Variants in CHLSN observed in about 807,000 individuals in gnomAD.
The protein encoded by CHLSN is cholesin.
At chr7:983,181 A>G in the CHLSN span, 1 of 1,451,226 alleles carries the variant, frequency 6.9e-7, no homozygotes, top group Non-Finnish European at 9.2e-7. Flanking sequence ...GGGGCCCAGG[A>G]GGGGAGTGGA....
chr7:1,118,567 C>G, the CHLSN span, among the ~76,000 whole-genome samples: 5 of 152,108 alleles, frequency 3.3e-5, no homozygotes, highest in South Asian at 1.0e-3. Flanking sequence ...AAAAGACAAC[C>G]TCAATAAGTC....
At chr7:992,999 G>C in the CHLSN span, among the ~76,000 whole-genome samples, 10 of 152,182 alleles carry the variant, frequency 6.6e-5, no homozygotes, top group Non-Finnish European at 1.3e-4. Flanking sequence ...CATAACAAGC[G>C]GGGGAGGGGG....
chr7:1,003,019 G>A, the CHLSN span, among the ~76,000 whole-genome samples: 4 of 48,226 alleles, frequency 8.3e-5, no homozygotes, highest in African/African-American at 3.8e-4. Flanking sequence ...GTGGGTGAGT[G>A]GAGTCCTGCG....
chr7:1,106,631 C>G, the CHLSN span, among the ~76,000 whole-genome samples: 1 of 152,140 alleles, frequency 6.6e-6, no homozygotes, highest in Admixed American at 6.5e-5. Flanking sequence ...GGGTGACGGG[C>G]CTGGGGCAGG....
the CHLSN span, chr7:1,087,325 G>A: frequency 6.6e-6 from 1 of 152,226 alleles, no homozygotes; most frequent in Non-Finnish European, 1.5e-5. Context: ...TACCGGCTGA[G>A]GGTCCCTGGT....
chr7:1,109,300 G>A, the CHLSN span: 3 of 152,258 alleles, frequency 2.0e-5, no homozygotes, highest in Middle Eastern at 0.01. Flanking sequence ...TGACAAGCAT[G>A]TATTTGTTTT....
chr7:1,007,979 A>G, the CHLSN span, among the ~76,000 whole-genome samples: 25,003 of 152,114 alleles, frequency 0.16, 2,495 homozygotes, highest in Admixed American at 0.22. Flanking sequence ...CACGTCCCCA[A>G]CGTCCCCCTT....
At chr7:1,042,421 C>T in the CHLSN span, among the ~76,000 whole-genome samples, 1 of 152,226 alleles carries the variant, frequency 6.6e-6, no homozygotes, top group Non-Finnish European at 1.5e-5. Flanking sequence ...CACCCTTCCC[C>T]CCACCAACTG....
chr7:1,000,738 C>T, the CHLSN span, among the ~76,000 whole-genome samples: 12 of 152,188 alleles, frequency 7.9e-5, no homozygotes, highest in African/African-American at 1.4e-4. Flanking sequence ...CGCAACCCCA[C>T]GCCCTGCTGC....
chr7:1,028,902 C>T, the CHLSN span: 5 of 634,572 alleles, frequency 7.9e-6, no homozygotes, highest in East Asian at 4.7e-4. Flanking sequence ...GACTCCATGT[C>T]CCCCCATCTC....
At chr7:1,124,160 GA>G in the CHLSN span, among the ~76,000 whole-genome samples, 1 of 152,124 alleles carries the variant, frequency 6.6e-6, no homozygotes, top group Non-Finnish European at 1.5e-5. Context: ...TTTTAATAAT[GA>G]AAAATAATCA....
chr7:1,011,426 GAAACACCC>G, the CHLSN span, among the ~76,000 whole-genome samples: 1 of 62,378 alleles, frequency 1.6e-5, no homozygotes, highest in Non-Finnish European at 2.8e-5. Flanking sequence ...CAGACACCCA[GAAACACCC>G]ACACACCCAA....
chr7:1,091,665 C>A, the CHLSN span: 1 of 1,157,368 alleles, frequency 8.6e-7, no homozygotes, highest in Non-Finnish European at 1.2e-6. Context: ...AAGATGGATT[C>A]ACCATTTAAA....
chr7:1,019,476 TGGCTGCTCACAGCTCCC>T, the CHLSN span, among the ~76,000 whole-genome samples: 1 of 152,232 alleles, frequency 6.6e-6, no homozygotes, highest in Non-Finnish European at 1.5e-5. Flanking sequence ...GAGGCTGGCC[TGGCTGCTCACAGCTCCC>T]GGCAGAAATG....
At chr7:999,030 ATT>A in the CHLSN span, among the ~76,000 whole-genome samples, 2 of 152,182 alleles carry the variant, frequency 1.3e-5, no homozygotes, top group Non-Finnish European at 2.9e-5. Context: ...TAAAATGCAC[ATT>A]TGTGTGTTTG....
At chr7:1,135,311 A>G in the CHLSN span, among the ~76,000 whole-genome samples, 6 of 147,792 alleles carry the variant, frequency 4.1e-5, no homozygotes, top group Non-Finnish European at 1.5e-5. Context: ...ACGCCAACTC[A>G]ACTGTGTATA....
chr7:1,069,107 C>T, the CHLSN span, among the ~76,000 whole-genome samples: 17,556 of 152,106 alleles, frequency 0.12, 1,214 homozygotes, highest in Middle Eastern at 0.26. Context: ...CCGAGGCGGG[C>T]GGATCACCTG....
At chr7:1,071,377 C>T in the CHLSN span, among the ~76,000 whole-genome samples, 2 of 152,170 alleles carry the variant, frequency 1.3e-5, no homozygotes, top group South Asian at 2.1e-4. Flanking sequence ...GGCTCTGTGG[C>T]ACTAGCACTG....
the CHLSN span, among the ~76,000 whole-genome samples, chr7:1,060,038 T>A: frequency 1.4e-5 from 2 of 144,794 alleles, no homozygotes; most frequent in Non-Finnish European, 3.0e-5. Flanking sequence ...GGGTCCGTAG[T>A]GAGGCGGGTC....
Sources: gnomAD v4.1 joint callset for allele counts (sites outside exome capture counted in the v4.1 genomes callset) on GRCh38, gnomAD v4.1.1 for gene constraint, MANE v1.5 for transcripts, NCBI Gene and HGNC (gene_info 2026-07-23, HGNC 2026-07-21) for gene names.